Variants in NLGN1 observed in about 807,000 individuals in gnomAD.
NLGN1 encodes the protein neuroligin 1, also known as neuroligin-1.
In NLGN1, 12 loss-of-function variants were observed where a neutral mutation model predicts 65.5. That is an observed-to-expected ratio of 0.18 (90% CI 0.12 to 0.30). NLGN1 has a LOEUF of 0.30. Among genes scored for constraint, NLGN1 ranks in the 10% least tolerant of loss-of-function variants. The probability of loss-of-function intolerance (pLI) is 1.00; values close to 1 mark genes in which losing one functional copy is unlikely to be tolerated. For missense variants in NLGN1, 750 were observed against 1,007.1 expected (o/e 0.74, Z 3.46); for synonymous variants, 350 against 359.5 (o/e 0.97, Z 0.30).
At chr3:173,442,051 G>T (rs75652541) in intron 2 of NLGN1, among the ~76,000 whole-genome samples, 5,512 of 152,188 alleles carry the variant, frequency 0.036, 147 homozygotes, top group Admixed American at 0.072. Flanking sequence ...CATGACATTT[G>T]CAGTCAAATT....
chr3:173,600,217 A>ACACACACG (rs1324493681), intron 2 of NLGN1, among the ~76,000 whole-genome samples: 2 of 151,864 alleles, frequency 1.3e-5, no homozygotes, highest in East Asian at 3.9e-4. Context: ...ACACACACAC[A>ACACACACG]CACACACACG....
At chr3:173,511,082 A>G (rs1209917069) in intron 2 of NLGN1, among the ~76,000 whole-genome samples, 3 of 152,194 alleles carry the variant, frequency 2.0e-5, no homozygotes, top group Non-Finnish European at 4.4e-5. Flanking sequence ...CTATGAGTTT[A>G]TGACAGGGAT....
intron 3 of NLGN1, among the ~76,000 whole-genome samples, chr3:173,664,345 T>G (rs1357160809): frequency 6.6e-6 from 1 of 152,120 alleles, no homozygotes; most frequent in African/African-American, 2.4e-5. Flanking sequence ...CTACCATCTC[T>G]TATCTTTTTA....
rs1269954647 is a variant in NLGN1, at chr3:174,261,723, G to C, written c.647-13592G>C. ...CCTGGCCAGAACTTCCAACACTATT[G>C]AATAGGAGTGGTGAGAGAGGGCATC... On this transcript the variant is annotated intron_variant, in intron 4 of 6. Coordinates refer to ENST00000457714, the Ensembl canonical transcript of NLGN1. 1.4e-5 allele frequency among the ~76,000 whole-genome samples: 2 copies of C among 140,154 alleles called. 1 individual carries two copies. The highest frequency in any genetic ancestry group is 3.1e-5 in the Non-Finnish European group (2 of 65,192). The allele number at this position is 140,154 out of a possible 152,430, so 91.9% of individuals were successfully genotyped here. A position where few individuals can be genotyped will look rare whatever the true frequency, so the allele number is the denominator to read the frequency against.
intron 3 of NLGN1, among the ~76,000 whole-genome samples, chr3:173,705,530 G>A (rs1240779394): frequency 6.6e-6 from 1 of 152,078 alleles, no homozygotes; most frequent in Non-Finnish European, 1.5e-5. Context: ...ATCCTAAGAA[G>A]CGTTTACAGT....
At chr3:174,032,166 C>T (rs1372158743) in intron 4 of NLGN1, among the ~76,000 whole-genome samples, 1 of 152,076 alleles carries the variant, frequency 6.6e-6, no homozygotes, top group Non-Finnish European at 1.5e-5. Context: ...GGAGTATGTG[C>T]TCTACCAAAA....
At chr3:173,481,062 C>T (rs1036919423) in intron 2 of NLGN1, among the ~76,000 whole-genome samples, 10 of 151,922 alleles carry the variant, frequency 6.6e-5, no homozygotes, top group Admixed American at 3.3e-4. Context: ...TAGTGGTATT[C>T]TGATTTTTCA....
intron 4 of NLGN1, among the ~76,000 whole-genome samples, chr3:174,178,872 A>G (rs541126033): frequency 1.3e-5 from 2 of 152,260 alleles, no homozygotes; most frequent in Admixed American, 1.3e-4. Context: ...AGGTGAAGAT[A>G]TTAGCTTTAC....
intron 4 of NLGN1, among the ~76,000 whole-genome samples, chr3:174,054,403 C>G (rs1214711470): frequency 6.6e-6 from 1 of 151,908 alleles, no homozygotes; most frequent in African/African-American, 2.4e-5. Flanking sequence ...CAATCATTAA[C>G]AAAGAGTTTA....
Position 173,455,876 on chromosome 3 carries a change from T to G in NLGN1, c.-321+20798T>G, listed in dbSNP as rs148642799. The stretch of plus-strand genomic sequence containing the variant: ...AGAAGACGCAGAAAAGCCAGTGTAG[T>G]TCGAAGGCCTGAGAACAGCAGAGAT... On this transcript the variant is annotated intron_variant, in intron 2 of 6. Coordinates refer to ENST00000457714, the Ensembl canonical transcript of NLGN1. Among the ~76,000 whole-genome samples, 234 of 150,536 alleles carry G rather than the reference T, an allele frequency of 1.6e-3. 1 individual carries two copies. Among genetic ancestry groups the G allele is most frequent in the African/African-American group, 5.5e-3 (226 of 40,914 alleles).
chr3:174,032,884 A>C (rs1403698382), intron 4 of NLGN1, among the ~76,000 whole-genome samples: 2 of 152,040 alleles, frequency 1.3e-5, no homozygotes, highest in Non-Finnish European at 2.9e-5. Context: ...TTCTAACCCC[A>C]ACAGGGGTCA....
intron 3 of NLGN1, among the ~76,000 whole-genome samples, chr3:173,688,775 T>C (rs1246246238): frequency 6.6e-6 from 1 of 152,222 alleles, no homozygotes; most frequent in Non-Finnish European, 1.5e-5. Flanking sequence ...GTTCTTGTAG[T>C]CAGCATTCAA....
intron 4 of NLGN1, among the ~76,000 whole-genome samples, chr3:174,191,333 G>T (rs1462590429): frequency 6.6e-6 from 1 of 152,110 alleles, no homozygotes. Context: ...TTATGCATGC[G>T]AGGGAATCAA....
In NLGN1 at chr3:173,995,615, C is replaced by A. The variant is rs1271672395; in HGVS notation, c.646+187783C>A. ...TGAATTGATCAGTCACTCCAAAATG[C>A]CCCAATTAGTGTTAGACTTTTTTTG... On this transcript the variant is annotated intron_variant, in intron 4 of 6. Coordinates refer to ENST00000457714, the Ensembl canonical transcript of NLGN1. Among the ~76,000 whole-genome samples the A allele has an allele frequency of 2.0e-5, 3 of 151,722 alleles. No homozygotes were observed. The East Asian group carries it at 5.8e-4, about 29-fold the overall frequency.
chr3:173,850,537 T>C (rs1280671870), intron 4 of NLGN1, among the ~76,000 whole-genome samples: 1 of 152,190 alleles, frequency 6.6e-6, no homozygotes, highest in Non-Finnish European at 1.5e-5. Flanking sequence ...TTATTTTTAC[T>C]CTATCTGCAA....
chr3:173,802,206 G>A (rs747874637), intron 3 of NLGN1, among the ~76,000 whole-genome samples: 1 of 152,004 alleles, frequency 6.6e-6, no homozygotes, highest in Non-Finnish European at 1.5e-5. Flanking sequence ...GAGTAGGTAA[G>A]TCTGAGCGAT....
chr3:173,895,518 G>A (rs929166178), intron 4 of NLGN1, among the ~76,000 whole-genome samples: 3 of 152,106 alleles, frequency 2.0e-5, no homozygotes, highest in Non-Finnish European at 4.4e-5. Context: ...CAACCTGAAT[G>A]GAGACACTCG....
At chr3:173,737,041 A>G (rs1211226643) in intron 3 of NLGN1, among the ~76,000 whole-genome samples, 1 of 152,052 alleles carries the variant, frequency 6.6e-6, no homozygotes, top group Non-Finnish European at 1.5e-5. Flanking sequence ...TTATAGTAAT[A>G]TTACTAAACA....
At chr3:173,584,208 A>T (rs2149372403) in intron 2 of NLGN1, among the ~76,000 whole-genome samples, 1 of 151,266 alleles carries the variant, frequency 6.6e-6, no homozygotes. Context: ...GCCTTCTTTA[A>T]CTACTGCAGT....
Sources: gnomAD v4.1 joint callset for allele counts (sites outside exome capture counted in the v4.1 genomes callset) on GRCh38, gnomAD v4.1.1 for gene constraint, MANE v1.5 for transcripts, NCBI Gene and HGNC (gene_info 2026-07-23, HGNC 2026-07-21) for gene names.